DCC: variants seen among roughly 807,000 people sequenced by gnomAD.
The protein encoded by DCC is DCC netrin 1 receptor, also known as netrin receptor DCC.
Under a neutral mutation model 172.5 loss-of-function variants are expected in DCC, and 58 were observed. The ratio of observed to expected loss-of-function variants is 0.34; its 90% CI spans 0.27 to 0.42. The LOEUF (loss-of-function observed/expected upper bound fraction) is 0.42. Ranked by LOEUF, DCC falls within the 10% of genes least tolerant of loss-of-function variation. The probability of loss-of-function intolerance (pLI) is 1.00; values close to 1 mark genes in which losing one functional copy is unlikely to be tolerated. For synonymous variants in DCC, 709 were observed against 644.5 expected (o/e 1.10, Z -1.52); for missense variants, 1,740 against 1,791.0 (o/e 0.97, Z 0.51).
intron 12 of DCC, among the ~76,000 whole-genome samples, chr18:53,302,449 T>A (rs2057152599): frequency 2.6e-5 from 4 of 152,190 alleles, no homozygotes; most frequent in Admixed American, 2.6e-4. Context: ...ATAAATGGAA[T>A]TAAACAGTAT....
intron 5 of DCC, among the ~76,000 whole-genome samples, chr18:53,047,462 T>TATATATAC (rs1491432793): frequency 3.4e-5 from 3 of 88,694 alleles, no homozygotes; most frequent in African/African-American, 4.6e-5. Context: ...TATATATATA[T>TATATATAC]ACCATTTTTG....
rs59238295 is a variant in DCC at position 52,357,936 on chromosome 18, TAAA to T, written c.91+17076_91+17078del. Among the ~76,000 whole-genome samples the T allele has an allele frequency of 2.1e-3, 256 of 123,394 alleles. 2 individuals are homozygous for T. The highest frequency in any genetic ancestry group is 8.8e-3 in the Middle Eastern group (2 of 226). 81.0% of individuals were successfully genotyped at this position (123,394 alleles called of 152,430 possible). A position where few individuals can be genotyped will look rare whatever the true frequency, so the allele number is the denominator to read the frequency against. ...CTGGGCGACAGAGCGAGACTCTGTG[TAAA>T]AAAAAAAAAAAAAAAAATCTGACAA... On this transcript the variant is annotated intron_variant, in intron 1 of 28. Coordinates refer to ENST00000442544, the MANE Select transcript of DCC (RefSeq NM_005215.4).
intron 17 of DCC, among the ~76,000 whole-genome samples, chr18:53,393,840 A>T (rs1908732435): frequency 1.3e-5 from 2 of 151,350 alleles, no homozygotes; most frequent in African/African-American, 4.8e-5. Flanking sequence ...AAAGATTTTA[A>T]CTGTTCCTCT....
intron 1 of DCC, among the ~76,000 whole-genome samples, chr18:52,736,280 T>C (rs1433604192): frequency 7.6e-6 from 1 of 131,848 alleles, no homozygotes; most frequent in East Asian, 2.2e-4. Flanking sequence ...ACTGTAAACA[T>C]AAAAAAAAAA....
intron 1 of DCC, among the ~76,000 whole-genome samples, chr18:52,353,702 C>A (rs1984232845): frequency 6.6e-6 from 1 of 151,966 alleles, no homozygotes; most frequent in Admixed American, 6.6e-5. Context: ...GAGAGAGCAG[C>A]TTTAACTGGC....
intron 5 of DCC, among the ~76,000 whole-genome samples, chr18:53,061,178 G>A (rs960411744): frequency 6.6e-6 from 1 of 152,134 alleles, no homozygotes; most frequent in African/African-American, 2.4e-5. Flanking sequence ...CTCGCAGTGA[G>A]AGAAGGACTT....
chr18:52,858,728 G>A (rs2039090273), intron 2 of DCC, among the ~76,000 whole-genome samples: 2 of 152,182 alleles, frequency 1.3e-5, no homozygotes, highest in Admixed American at 1.3e-4. Context: ...AAACAGTGAA[G>A]GTATAAGATG....
intron 5 of DCC, among the ~76,000 whole-genome samples, chr18:52,926,130 T>G (rs1013514998): frequency 6.6e-6 from 1 of 151,930 alleles, no homozygotes; most frequent in Non-Finnish European, 1.5e-5. Context: ...CTTAGGAATT[T>G]TTCCTCTGGA....
chr18:53,257,087 G>T (rs1453741067), intron 12 of DCC, among the ~76,000 whole-genome samples: 1 of 152,176 alleles, frequency 6.6e-6, no homozygotes, highest in Non-Finnish European at 1.5e-5. Flanking sequence ...TGCTGAAGTT[G>T]CCTATTAGCT....
chr18:53,019,202 C>T (rs1251833854), intron 5 of DCC, among the ~76,000 whole-genome samples: 1 of 152,108 alleles, frequency 6.6e-6, no homozygotes, highest in Non-Finnish European at 1.5e-5. Flanking sequence ...TCATTTTTCC[C>T]AACTCAATGT....
chr18:53,085,563 A>C (rs1355110121), intron 7 of DCC, among the ~76,000 whole-genome samples: 1 of 152,172 alleles, frequency 6.6e-6, no homozygotes, highest in Non-Finnish European at 1.5e-5. Flanking sequence ...GTATTATTAT[A>C]ATGGATTTCC....
chr18:53,380,781 A>T (rs1907664555), intron 15 of DCC, among the ~76,000 whole-genome samples: 1 of 152,054 alleles, frequency 6.6e-6, no homozygotes, highest in Non-Finnish European at 1.5e-5. Flanking sequence ...CATCTTCAGG[A>T]CTCCTAGCTC....
intron 1 of DCC, among the ~76,000 whole-genome samples, chr18:52,422,327 G>C (rs1175857617): frequency 6.6e-6 from 1 of 152,134 alleles, no homozygotes; most frequent in African/African-American, 2.4e-5. Context: ...GATACAAAAA[G>C]AATTCTGAGA....
chr18:52,472,142 G>A (rs139610558), intron 1 of DCC, among the ~76,000 whole-genome samples: 139 of 152,294 alleles, frequency 9.1e-4, no homozygotes, highest in Non-Finnish European at 1.6e-3. Flanking sequence ...TGGATTTTGA[G>A]CAAGGTGTGA....
At chr18:52,959,602 TAA>T (rs1301541944) in intron 5 of DCC, among the ~76,000 whole-genome samples, 1 of 152,168 alleles carries the variant, frequency 6.6e-6, no homozygotes, top group Admixed American at 6.5e-5. Flanking sequence ...TTCCCAAACT[TAA>T]GTTTATTTAA....
chr18:53,532,635 C>T lies in DCC; in HGVS notation c.*1982C>T, dbSNP rs2046535241. ...AAAAAGAAAATATTCATTGGGCTAG[C>T]CCAACCTTCTCTAGGCCCTAAGAAT... On this transcript the variant is annotated 3_prime_UTR_variant, in exon 29 of 29. Coordinates refer to ENST00000442544, the MANE Select transcript of DCC (RefSeq NM_005215.4). 1 of 152,120 alleles carries T rather than the reference C, an allele frequency of 6.6e-6. No homozygotes were observed. Among genetic ancestry groups the T allele is most frequent in the African/African-American group, 2.4e-5 (1 of 41,428 alleles). 9.4% of individuals were successfully genotyped at this position (152,120 alleles called of 1,614,324 possible).
chr18:52,987,996 A>G (rs1305458974), intron 5 of DCC, among the ~76,000 whole-genome samples: 1 of 152,212 alleles, frequency 6.6e-6, no homozygotes, highest in Non-Finnish European at 1.5e-5. Context: ...ACAACCTTTT[A>G]AGTCAGTAAA....
chr18:52,539,536 A>C (rs913475512), intron 1 of DCC, among the ~76,000 whole-genome samples: 1 of 152,200 alleles, frequency 6.6e-6, no homozygotes, highest in Non-Finnish European at 1.5e-5. Context: ...TGAACTGCAC[A>C]TGCAAGGGAT....
At chr18:52,363,783 A>G (rs1330447167) in intron 1 of DCC, among the ~76,000 whole-genome samples, 1 of 152,190 alleles carries the variant, frequency 6.6e-6, no homozygotes, top group Non-Finnish European at 1.5e-5. Flanking sequence ...GGGCCTCCCA[A>G]TGTGCCCTGC....
Sources: gnomAD v4.1 joint callset for allele counts (sites outside exome capture counted in the v4.1 genomes callset) on GRCh38, gnomAD v4.1.1 for gene constraint, MANE v1.5 for transcripts, NCBI Gene and HGNC (gene_info 2026-07-23, HGNC 2026-07-21) for gene names.